Variants in FGF13 observed in about 807,000 individuals in gnomAD.
FGF13 encodes the protein fibroblast growth factor homologous factor 2.
FGF13 carries 2 observed loss-of-function variants against 19.5 expected under a neutral mutation model. The ratio of observed to expected loss-of-function variants is 0.10; its 90% confidence interval spans 0.04 to 0.32. The LOEUF (loss-of-function observed/expected upper bound fraction) is 0.32. Ranked by LOEUF, FGF13 falls within the 10% of genes least tolerant of loss-of-function variation. FGF13 has a pLI of 1.00. For synonymous variants in FGF13, 72 were observed against 76.9 expected, an observed-to-expected ratio of 0.94 and a Z score of 0.33; for missense variants, 113 against 192.7, an observed-to-expected ratio of 0.59 and a Z score of 2.45.
chrX:138,917,753 T>C (rs1042235091), intron 1 of FGF13, among the ~76,000 whole-genome samples: 1 of 112,007 alleles, frequency 8.9e-6, no homozygotes, highest in Admixed American at 9.5e-5. Flanking sequence ...GCCTTTGCTA[T>C]GAACATATTT....
intron 3 of FGF13, among the ~76,000 whole-genome samples, chrX:138,754,433 T>C (rs1411508109): frequency 9.0e-6 from 1 of 111,420 alleles, no homozygotes; most frequent in East Asian, 2.9e-4. Context: ...ACCAAACTAC[T>C]TTCAGCTTCA....
At chrX:139,175,118 T>C (rs1603230928) in intron 1 of FGF13, among the ~76,000 whole-genome samples, 2 of 111,681 alleles carry the variant, frequency 1.8e-5, no homozygotes, top group African/African-American at 6.5e-5. Flanking sequence ...TCACATCCCT[T>C]GTAAGTTGGA....
At chrX:139,018,364 C>T (rs2092162846) in intron 1 of FGF13, among the ~76,000 whole-genome samples, 1 of 111,553 alleles carries the variant, frequency 9.0e-6, no homozygotes, top group South Asian at 3.8e-4. Flanking sequence ...CAGGCCAGTG[C>T]AGCTTGCATT....
chrX:138,935,888 T>A (rs887403811), intron 1 of FGF13, among the ~76,000 whole-genome samples: 1 of 112,509 alleles, frequency 8.9e-6, no homozygotes, highest in African/African-American at 3.2e-5. Context: ...GTGTTTTATT[T>A]TGATGTGCAT....
chrX:138,694,451 C>CT lies in FGF13; in HGVS notation c.402+8532dup, dbSNP rs755524415. Among the ~76,000 whole-genome samples the CT allele has an allele frequency of 7.1e-3, 624 of 88,203 alleles. 3 individuals carry two copies. Among genetic ancestry groups the CT allele is most frequent in the Non-Finnish European group, 7.8e-3 (342 of 44,011 alleles). 76.6% of individuals were successfully genotyped at this position (88,203 alleles called of 115,157 possible). A position where few individuals can be genotyped will look rare whatever the true frequency, so the allele number is the denominator to read the frequency against. On this transcript the variant is annotated intron_variant, in intron 3 of 4. Transcript: ENST00000315930. ...AATTTTTTCTTTTTTCTTTTCTTTT[C>CT]TTTTTTTTTTTTTTTTTGAGATGGA...
chrX:138,882,647 C>T (rs772633689), intron 1 of FGF13, among the ~76,000 whole-genome samples: 4 of 111,661 alleles, frequency 3.6e-5, no homozygotes, highest in East Asian at 5.7e-4. Context: ...AGCTGTTAGC[C>T]TCAGCTCTCA....
intron 3 of FGF13, among the ~76,000 whole-genome samples, chrX:138,814,043 T>C (rs2090944299): frequency 9.1e-6 from 1 of 109,867 alleles, no homozygotes; most frequent in South Asian, 3.8e-4. Flanking sequence ...CCCAAAACTA[T>C]ATTTTTCTTA....
intron 3 of FGF13, among the ~76,000 whole-genome samples, chrX:138,663,333 C>A (rs140521121): frequency 1.1e-3 from 121 of 111,650 alleles, no homozygotes; most frequent in African/African-American, 3.3e-3. Context: ...CAAACATTTT[C>A]TACAGACAGA....
intron 1 of FGF13, among the ~76,000 whole-genome samples, chrX:139,116,918 C>G (rs1268491691): frequency 9.0e-6 from 1 of 111,360 alleles, no homozygotes; most frequent in East Asian, 2.8e-4. Context: ...ACTTGGCTTT[C>G]TAAGATGCGC....
intron 1 of FGF13, among the ~76,000 whole-genome samples, chrX:138,919,685 C>T (rs2091635082): frequency 9.1e-6 from 1 of 110,037 alleles, no homozygotes; most frequent in South Asian, 3.9e-4. Flanking sequence ...TGTAGGACAA[C>T]TTAGTTGCCA....
At chrX:138,966,082 A>G (rs1159305057) in intron 1 of FGF13, among the ~76,000 whole-genome samples, 1 of 111,775 alleles carries the variant, frequency 8.9e-6, no homozygotes, top group Non-Finnish European at 1.9e-5. Context: ...AAGGAGATTA[A>G]CATTTGAGTG....
intron 1 of FGF13, among the ~76,000 whole-genome samples, chrX:139,121,555 G>T (rs1320085882): frequency 1.8e-5 from 2 of 110,765 alleles, no homozygotes; most frequent in African/African-American, 6.6e-5. Flanking sequence ...GTGCCACCAT[G>T]CCTGGCTATT....
chrX:139,085,607 T>A (rs2083398766), intron 1 of FGF13, among the ~76,000 whole-genome samples: 1 of 112,041 alleles, frequency 8.9e-6, no homozygotes, highest in Non-Finnish European at 1.9e-5. Flanking sequence ...ATCATTATCA[T>A]CATGAGCAAA....
chrX:139,190,958 T>C (rs189961618), intron 1 of FGF13, among the ~76,000 whole-genome samples: 3 of 111,858 alleles, frequency 2.7e-5, no homozygotes, highest in African/African-American at 9.7e-5. Context: ...CTAAAGATGA[T>C]GCTATTAAAA....
At chrX:139,140,917 C>T (rs1192119477) in intron 1 of FGF13, among the ~76,000 whole-genome samples, 1 of 110,435 alleles carries the variant, frequency 9.1e-6, no homozygotes, top group Non-Finnish European at 1.9e-5. Context: ...CTCCTTTCTC[C>T]TAAGGGCCTT....
At chrX:139,035,602 A>C (rs1603146071) in intron 1 of FGF13, among the ~76,000 whole-genome samples, 1 of 111,645 alleles carries the variant, frequency 9.0e-6, no homozygotes, top group East Asian at 2.8e-4. Flanking sequence ...GTTCTTCTAA[A>C]GTGTATTTGG....
At chrX:139,071,978 T>C (rs1248047790) in intron 1 of FGF13, among the ~76,000 whole-genome samples, 1 of 81,193 alleles carries the variant, frequency 1.2e-5, no homozygotes, top group Non-Finnish European at 2.2e-5. Context: ...ATTGTGCCAC[T>C]GCACTCCAGC....
At chrX:138,838,887 T>C (rs2091130613) in intron 3 of FGF13, among the ~76,000 whole-genome samples, 1 of 111,637 alleles carries the variant, frequency 9.0e-6, no homozygotes, top group African/African-American at 3.3e-5. Context: ...TTGCTGGGGC[T>C]ACTGGGATGG....
chrX:139,046,073 C>T (rs1389828973), intron 1 of FGF13, among the ~76,000 whole-genome samples: 1 of 111,650 alleles, frequency 9.0e-6, no homozygotes, highest in Non-Finnish European at 1.9e-5. Context: ...ACAAAGAAAA[C>T]AGGCTTAATT....
Sources: gnomAD v4.1 joint callset for allele counts (sites outside exome capture counted in the v4.1 genomes callset) on GRCh38, gnomAD v4.1.1 for gene constraint, MANE v1.5 for transcripts, NCBI Gene and HGNC (gene_info 2026-07-23, HGNC 2026-07-21) for gene names.